THSD4: variants seen among roughly 807,000 people sequenced by gnomAD.
The protein encoded by THSD4 is thrombospondin type-1 domain-containing protein 4.
Under a neutral mutation model 119.0 loss-of-function variants are expected in THSD4, and 69 were observed. The ratio of observed to expected loss-of-function variants is 0.58; its 90% CI spans 0.48 to 0.71. The LOEUF (loss-of-function observed/expected upper bound fraction) is 0.71. Among genes scored for constraint, THSD4 ranks in the 30% least tolerant of loss-of-function variants. The pLI, the probability that THSD4 is intolerant of heterozygous loss-of-function variation, is 0.00. For synonymous variants in THSD4, 524 were observed against 540.4 expected, an observed-to-expected ratio of 0.97 and a Z score of 0.42; for missense variants, 1,393 against 1,391.1, an observed-to-expected ratio of 1.00 and a Z score of -0.02.
rs771115574 is a variant in THSD4 at position 71,154,911 on chromosome 15, G to A, written c.78G>A (p.Gln26=). ...LLLGFQFVCP[Q]PSTQHRKVPQ... ...TTGGATTCCAGTTCGTCTGCCCACA[G>A]CCCTCCACTCAACACAGGAAGGTAA... is the stretch of plus-strand genomic sequence containing the variant. Residue 26 remains glutamine, a synonymous_variant, in exon 3 of 18, where the codon CAG becomes CAA. Coordinates refer to ENST00000261862, the MANE Select transcript of THSD4 (RefSeq NM_024817.3). 4 of 1,614,140 alleles carry A rather than the reference G, an allele frequency of 2.5e-6. No individual in the cohort carries two copies. The South Asian group carries it at 4.4e-5, about 18-fold the overall frequency.
At chr15:71,161,698 A>C (rs572129884) in intron 3 of THSD4, among the ~76,000 whole-genome samples, 2 of 151,704 alleles carry the variant, frequency 1.3e-5, no homozygotes, top group South Asian at 4.2e-4. Context: ...TAATCCATTC[A>C]GTTACTCTAT....
intron 7 of THSD4, among the ~76,000 whole-genome samples, chr15:71,486,611 G>GTTTTTTTT (rs200120589): frequency 3.0e-5 from 4 of 131,704 alleles, no homozygotes; most frequent in Non-Finnish European, 3.2e-5. Context: ...TTTCTTTTCT[G>GTTTTTTTT]TTTTTTTTTT....
At chr15:71,365,907 A>G (rs1266329509) in intron 6 of THSD4, among the ~76,000 whole-genome samples, 1 of 152,130 alleles carries the variant, frequency 6.6e-6, no homozygotes, top group East Asian at 1.9e-4. Flanking sequence ...TCAGTTACTA[A>G]AAGTATCCAT....
chr15:71,499,968 T>G (rs2048086085), intron 7 of THSD4, among the ~76,000 whole-genome samples: 1 of 152,158 alleles, frequency 6.6e-6, no homozygotes, highest in African/African-American at 2.4e-5. Flanking sequence ...CTCTTCAAGG[T>G]CTTGTTTTCA....
At chr15:71,211,147 C>T (rs557211677) in intron 3 of THSD4, among the ~76,000 whole-genome samples, 12 of 152,182 alleles carry the variant, frequency 7.9e-5, no homozygotes, top group East Asian at 7.7e-4. Flanking sequence ...TTATAATATT[C>T]GGCAGTCTAA....
At chr15:71,327,586 T>C (rs2045362317) in intron 6 of THSD4, among the ~76,000 whole-genome samples, 1 of 152,248 alleles carries the variant, frequency 6.6e-6, no homozygotes, top group African/African-American at 2.4e-5. Flanking sequence ...TTATTTACTT[T>C]TTGAATGCCA....
At position 71,477,317 on chromosome 15, in the gene THSD4, C is replaced by A. The variant is rs113444865; in HGVS notation, c.1152+65494C>A. Among the ~76,000 whole-genome samples, 29 of 152,196 alleles carry A rather than the reference C, an allele frequency of 1.9e-4. 1 individual carries two copies. In the South Asian group the frequency reaches 5.8e-3, roughly 31 times the overall value. On this transcript the variant is annotated intron_variant, in intron 7 of 17. Transcript: ENST00000261862. The stretch of plus-strand genomic sequence containing the variant: ...AACAGACTGCTAGTAAAGCTCCGAG[C>A]ATATGTGTGCAAAACCGTGTTTAGA...
At chr15:71,459,404 C>G (rs566560189) in intron 7 of THSD4, among the ~76,000 whole-genome samples, 1 of 150,010 alleles carries the variant, frequency 6.7e-6, no homozygotes, top group South Asian at 2.1e-4. Flanking sequence ...CTCTCTCTCT[C>G]TGTCTCTCTC....
chr15:71,121,971 G>A (rs2040412579), intron 1 of THSD4, among the ~76,000 whole-genome samples: 1 of 152,104 alleles, frequency 6.6e-6, no homozygotes, highest in Non-Finnish European at 1.5e-5. Context: ...ATGTAGGGGA[G>A]TTTATTGCTG....
chr15:71,616,088 C>T (rs2050314198), intron 7 of THSD4, among the ~76,000 whole-genome samples: 1 of 151,994 alleles, frequency 6.6e-6, no homozygotes, highest in African/African-American at 2.4e-5. Flanking sequence ...TAAAGATGGA[C>T]AAATGTCCAT....
At chr15:71,346,357 C>T (rs754371947) in intron 6 of THSD4, among the ~76,000 whole-genome samples, 2 of 152,166 alleles carry the variant, frequency 1.3e-5, no homozygotes, top group African/African-American at 4.8e-5. Flanking sequence ...TCCATTTGCT[C>T]CTTTATTCAG....
intron 7 of THSD4, among the ~76,000 whole-genome samples, chr15:71,651,535 C>G (rs749424750): frequency 6.6e-5 from 10 of 152,118 alleles, no homozygotes; most frequent in Non-Finnish European, 1.2e-4. Flanking sequence ...GGAGATGGCC[C>G]AATGATAGCT....
At chr15:71,354,483 T>C (rs2045783149) in intron 6 of THSD4, among the ~76,000 whole-genome samples, 1 of 152,176 alleles carries the variant, frequency 6.6e-6, no homozygotes, top group Non-Finnish European at 1.5e-5. Context: ...AGGTGGAGAC[T>C]TTTCCAAATT....
intron 7 of THSD4, among the ~76,000 whole-genome samples, chr15:71,588,081 C>T (rs557817081): frequency 2.9e-4 from 44 of 151,844 alleles, no homozygotes; most frequent in African/African-American, 8.7e-4. Context: ...CCGAGGTGGG[C>T]GGATCACGAG....
intron 1 of THSD4, among the ~76,000 whole-genome samples, chr15:71,102,513 G>C (rs1284909882): frequency 6.6e-6 from 1 of 151,996 alleles, no homozygotes; most frequent in South Asian, 2.1e-4. Context: ...ATTTAAGTTA[G>C]TGTCCTTCTC....
At chr15:71,607,846 T>C (rs190287271) in intron 7 of THSD4, among the ~76,000 whole-genome samples, 1 of 152,278 alleles carries the variant, frequency 6.6e-6, no homozygotes, top group Admixed American at 6.5e-5. Flanking sequence ...ACAGGACTCA[T>C]GTGTTATGTG....
At chr15:71,338,818 G>A (rs2045523024) in intron 6 of THSD4, among the ~76,000 whole-genome samples, 1 of 152,108 alleles carries the variant, frequency 6.6e-6, no homozygotes. Flanking sequence ...CCAACCGAGT[G>A]GACCTATGAA....
chr15:71,130,783 T>C (rs1289858529), intron 1 of THSD4, among the ~76,000 whole-genome samples: 5 of 152,206 alleles, frequency 3.3e-5, no homozygotes, highest in Non-Finnish European at 5.9e-5. Context: ...CTTGCTGTGT[T>C]GCCCAGGCTG....
intron 1 of THSD4, among the ~76,000 whole-genome samples, chr15:71,129,543 G>A (rs755000864): frequency 2.2e-4 from 33 of 152,110 alleles, no homozygotes; most frequent in Non-Finnish European, 3.5e-4. Flanking sequence ...ACCTCTGGGG[G>A]ACCCTTGACC....
Sources: allele counts gnomAD v4.1 joint callset (sites outside exome capture counted in the v4.1 genomes callset), GRCh38; gene constraint gnomAD v4.1.1; transcripts MANE v1.5; gene names NCBI Gene and HGNC (gene_info 2026-07-23, HGNC 2026-07-21).